Variants in ZMYM1 observed in about 807,000 individuals in gnomAD.
ZMYM1 encodes zinc finger MYM-type protein 1.
ZMYM1 carries 39 observed loss-of-function variants against 60.0 expected under a neutral mutation model. The observed-to-expected ratio is 0.65, with a 90% confidence interval of 0.50 to 0.85. The LOEUF (loss-of-function observed/expected upper bound fraction) is 0.85. Among genes scored for constraint, ZMYM1 ranks in the 40% least tolerant of loss-of-function variants. The pLI, the probability that ZMYM1 is intolerant of heterozygous loss-of-function variation, is 0.00. For missense variants in ZMYM1, 1,171 were observed against 1,309.5 expected (o/e 0.89, Z 1.63); for synonymous variants, 413 against 454.0 (o/e 0.91, Z 1.15).
intron 1 of ZMYM1, among the ~76,000 whole-genome samples, chr1:35,080,451 G>A (rs1001370689): frequency 6.6e-6 from 1 of 151,840 alleles, no homozygotes; most frequent in Non-Finnish European, 1.5e-5. Flanking sequence ...AGAGTAGCTG[G>A]AACAACAGGT....
intron 1 of ZMYM1, among the ~76,000 whole-genome samples, chr1:35,073,580 AAAG>A (rs1252330012): frequency 2.6e-5 from 4 of 151,346 alleles, no homozygotes; most frequent in Non-Finnish European, 4.4e-5. Flanking sequence ...GAAAAAAAGA[AAAG>A]AAGAAAAGAA....
chr1:35,104,836 T>G, intron 6 of ZMYM1, 67 bp downstream of exon 6: 1 of 1,387,380 alleles, frequency 7.2e-7, no homozygotes, highest in Admixed American at 1.9e-5. Context: ...TAGGAAAATG[T>G]GGGAAGTAGT....
Position 35,086,309 on chromosome 1 carries a change from T to TA in ZMYM1, c.-75+6868dup, listed in dbSNP as rs565001836. Among the ~76,000 whole-genome samples the TA allele has an allele frequency of 7.2e-5, 11 of 152,330 alleles. No homozygotes were observed. In the East Asian group the frequency reaches 1.9e-3, roughly 27 times the overall value. On this transcript the variant is annotated intron_variant, in intron 1 of 9. Coordinates refer to ENST00000359858, the MANE Select transcript of ZMYM1 (RefSeq NM_024772.5). ...TCAATATTGGGTTATTAGTTTATTT[T>TA]ATTTATTTATTCTGAGATGGAATCT...
chr1:35,071,166 C>T (rs1398894660), intron 1 of ZMYM1, among the ~76,000 whole-genome samples: 5 of 152,068 alleles, frequency 3.3e-5, no homozygotes, highest in Non-Finnish European at 5.9e-5. Flanking sequence ...GGAATACAGG[C>T]ATGAGCCACT....
intron 6 of ZMYM1, among the ~76,000 whole-genome samples, chr1:35,107,880 G>A (rs746816836): frequency 3.7e-4 from 57 of 152,196 alleles, no homozygotes; most frequent in Non-Finnish European, 4.6e-4. Flanking sequence ...GAGGCCAAAC[G>A]GGAGGATCAC....
At chr1:35,094,825 G>A (rs1240602697) in intron 2 of ZMYM1, among the ~76,000 whole-genome samples, 1 of 152,002 alleles carries the variant, frequency 6.6e-6, no homozygotes, top group Non-Finnish European at 1.5e-5. Context: ...CTCCAGCCTG[G>A]GTAACGAAGC....
rs1220410916 is a variant in ZMYM1 at position 35,115,472 on chromosome 1, GTTC to G, written c.*217_*219del. 1 of 351,066 alleles carries G rather than the reference GTTC, an allele frequency of 2.8e-6. No individual in the cohort carries two copies. The highest frequency in any genetic ancestry group is 2.1e-5 in the African/African-American group (1 of 47,234). The allele number at this position is 351,066 out of a possible 1,614,324, so 21.7% of individuals were successfully genotyped here. A position where few individuals can be genotyped will look rare whatever the true frequency, so the allele number is the denominator to read the frequency against. ...TAAGTGGTATTGTACGGTGTATACTGTTCTTCAGCTTGTCTTCTCTGTGTAACA... is the reference window on the plus strand; with the variant it reads ...TAAGTGGTATTGTACGGTGTATACTGTTCAGCTTGTCTTCTCTGTGTAACA... On this transcript the variant is annotated 3_prime_UTR_variant, in exon 10 of 10. Transcript: ENST00000359858.
intron 7 of ZMYM1, among the ~76,000 whole-genome samples, chr1:35,111,289 A>G (rs761333490): frequency 1.1e-4 from 16 of 152,238 alleles, no homozygotes; most frequent in Non-Finnish European, 2.1e-4. Flanking sequence ...TACATAGACC[A>G]TAGAGTGACT....
chr1:35,064,292 C>CAAAAAAAAAAAAAAAAAAAAAAAAA, intron 1 of ZMYM1, among the ~76,000 whole-genome samples: 1 of 54,516 alleles, frequency 1.8e-5, no homozygotes, highest in African/African-American at 6.1e-5. Context: ...GATCCTGTCT[C>CAAAAAAAAAAAAAAAAAAAAAAAAA]AAAAAAAAAA....
At chr1:35,117,749 T>C (rs1644263120), downstream of ZMYM1, among the ~76,000 whole-genome samples, 1 of 152,004 alleles carries the variant, frequency 6.6e-6, no homozygotes, top group Non-Finnish European at 1.5e-5. Context: ...AAGACCAGCC[T>C]GACTAACATG....
upstream of ZMYM1, among the ~76,000 whole-genome samples, chr1:35,078,716 T>C (rs1038171523): frequency 4.0e-5 from 6 of 151,728 alleles, no homozygotes; most frequent in Admixed American, 3.9e-4. Flanking sequence ...GCCCGGCTAA[T>C]TTCTGTATTT....
intron 1 of ZMYM1, among the ~76,000 whole-genome samples, chr1:35,069,254 CTGTCTTTT>C (rs1374186017): frequency 3.3e-5 from 5 of 152,128 alleles, no homozygotes; most frequent in African/African-American, 1.2e-4. Flanking sequence ...TCATTGACAC[CTGTCTTTT>C]TGTCTTTTTG....
rs780207167 is a variant in ZMYM1, at chr1:35,094,040, T to C, written c.53T>C (p.Leu18Pro). The C allele has an allele frequency of 1.2e-6, 2 of 1,611,314 alleles. No homozygotes were observed. Among genetic ancestry groups the C allele is most frequent in the Non-Finnish European group, 1.7e-6 (2 of 1,178,504 alleles). ...GECDKAVASQ[L>P]GLLDEIKTEP... ...TGTGACAAGGCAGTGGCATCACAGCTGGGGCTGCTAGATGAAATTAAGACA... is the reference window on the plus strand; with the variant it reads ...TGTGACAAGGCAGTGGCATCACAGCCGGGGCTGCTAGATGAAATTAAGACA... The change falls in exon 2 of 10, where the codon CTG (leucine) becomes CCG (proline). Residue 18 changes from leucine (L) to proline (P), a missense_variant. Coordinates refer to ENST00000359858, the MANE Select transcript of ZMYM1 (RefSeq NM_024772.5).
intron 1 of ZMYM1, among the ~76,000 whole-genome samples, chr1:35,093,001 G>A (rs559672724): frequency 6.6e-6 from 1 of 152,276 alleles, no homozygotes; most frequent in East Asian, 1.9e-4. Context: ...TTGTGTTTTT[G>A]TGGAACACAA....
chr1:35,103,799 TC>T (rs1462868082), intron 4 of ZMYM1, among the ~76,000 whole-genome samples: 2 of 152,190 alleles, frequency 1.3e-5, no homozygotes, highest in African/African-American at 2.4e-5. Context: ...TCTTGGGGAC[TC>T]CCCCAGGGAT....
chr1:35,078,574 A>C (rs184062037), upstream of ZMYM1, among the ~76,000 whole-genome samples: 2 of 94,196 alleles, frequency 2.1e-5, no homozygotes, highest in East Asian at 1.5e-3. Flanking sequence ...TTTGAGACGC[A>C]GTCTCTCTCT....
chr1:35,109,102 C>T (rs1643998759), intron 6 of ZMYM1, among the ~76,000 whole-genome samples: 1 of 151,948 alleles, frequency 6.6e-6, no homozygotes, highest in South Asian at 2.1e-4. Flanking sequence ...TCACTGCAAC[C>T]TCTGTCTTCC....
chr1:35,095,965 T>TG, intron 3 of ZMYM1, 74 bp downstream of exon 3: 1 of 1,125,912 alleles, frequency 8.9e-7, no homozygotes, highest in Non-Finnish European at 1.3e-6. Flanking sequence ...TTTAATGCCT[T>TG]TGAATATTGC....
intron 1 of ZMYM1, among the ~76,000 whole-genome samples, chr1:35,070,699 G>GC (rs1266131819): frequency 6.6e-6 from 1 of 151,994 alleles, no homozygotes; most frequent in Non-Finnish European, 1.5e-5. Context: ...TACAAGAAAA[G>GC]CTAATATTAG....
Sources: gnomAD v4.1 joint callset for allele counts (sites outside exome capture counted in the v4.1 genomes callset) on GRCh38, gnomAD v4.1.1 for gene constraint, MANE v1.5 for transcripts, NCBI Gene and HGNC (gene_info 2026-07-23, HGNC 2026-07-21) for gene names.